Variants in CALCOCO1 observed in about 807,000 individuals in gnomAD.
CALCOCO1 encodes calcium-binding and coiled-coil domain-containing protein 1.
Under a neutral mutation model 86.3 loss-of-function variants are expected in CALCOCO1, and 44 were observed. The observed-to-expected ratio is 0.51, with a 90% CI of 0.40 to 0.66. The LOEUF (loss-of-function observed/expected upper bound fraction) is 0.66, where lower values mean the gene tolerates loss of function less well. Among genes scored for constraint, CALCOCO1 ranks in the 30% least tolerant of loss-of-function variants. The probability of loss-of-function intolerance (pLI) is 0.00; values close to 1 mark genes in which losing one functional copy is unlikely to be tolerated. For missense variants in CALCOCO1, 708 were observed against 851.1 expected, an observed-to-expected ratio of 0.83 and a Z score of 2.09; for synonymous variants, 297 against 327.6, an observed-to-expected ratio of 0.91 and a Z score of 1.01.
intron 1 of CALCOCO1, chr12:53,725,579 C>A (rs115825684): frequency 1.7e-5 from 3 of 172,812 alleles, no homozygotes; most frequent in Non-Finnish European, 3.7e-5. Flanking sequence ...TGGGATACTG[C>A]GACTTGGTCG....
chr12:53,724,492 C>T, intron 3 of CALCOCO1, 153 bp downstream of exon 3: 1 of 656,392 alleles, frequency 1.5e-6, no homozygotes. Context: ...TCTCTATCCG[C>T]TGAGCGCTGT....
chr12:53,713,229 TG>T, intron 13 of CALCOCO1, 23 bp from the exon 14 acceptor site: 1 of 1,601,772 alleles, frequency 6.2e-7, no homozygotes, highest in Non-Finnish European at 8.6e-7. Context: ...GAGACAGGGT[TG>T]GGCTTTGGGG....
At chr12:53,714,106 G>T in intron 12 of CALCOCO1, 27 bp downstream of exon 12, 1 of 1,538,682 alleles carries the variant, frequency 6.5e-7, no homozygotes, top group Non-Finnish European at 9.0e-7. Context: ...TGGGGAAGAG[G>T]TGTTACAAGA....
rs186570611 is a variant in CALCOCO1, at chr12:53,715,335, A to G, written c.1261-10T>C. The G allele has an allele frequency of 1.6e-4, 260 of 1,614,156 alleles. 1 individual carries two copies. In the Middle Eastern group the frequency reaches 5.3e-3, roughly 33 times the overall value. On this transcript the variant is annotated splice_polypyrimidine_tract_variant and intron_variant, in intron 9 of 14. Coordinates refer to ENST00000550804, the MANE Select transcript of CALCOCO1 (RefSeq NM_020898.3). ...TCTTGTCCTTCTCTGCCTGAGAGAT[A>G]GCCAAGAAGGAAAATGGGAGGGTGG...
At chr12:53,713,650 T>C in intron 13 of CALCOCO1, 51 bp downstream of exon 13, 1 of 1,453,356 alleles carries the variant, frequency 6.9e-7, no homozygotes, top group Non-Finnish European at 9.2e-7. Flanking sequence ...GACACTTGGG[T>C]TTGGCCCTGC....
At position 53,708,980 on chromosome 12, in the gene CALCOCO1, C is replaced by T. The variant is rs1213753132; in HGVS notation, c.*2964G>A. ...GATGGTGAAGACCCTGACTGGCACA[C>T]TAAGCAATCTACATTTCTCATTCCT... On this transcript the variant is annotated 3_prime_UTR_variant, in exon 15 of 15. Coordinates refer to ENST00000550804, the MANE Select transcript of CALCOCO1 (RefSeq NM_020898.3). 6.6e-6 allele frequency: 1 copy of T among 152,238 alleles called. No homozygotes were observed. Among genetic ancestry groups the T allele is most frequent in the Non-Finnish European group, 1.5e-5 (1 of 68,038 alleles). 9.4% of individuals were successfully genotyped at this position (152,238 alleles called of 1,614,324 possible).
Position 53,725,228 on chromosome 12 carries a change from T to C in CALCOCO1, c.15A>G (p.Pro5=), listed in dbSNP as rs760453700. 12 of 1,600,580 alleles carry C rather than the reference T, an allele frequency of 7.5e-6. No homozygotes were observed. The highest frequency in any genetic ancestry group is 9.4e-6 in the Non-Finnish European group (11 of 1,173,966). MEES[P]LSRAPSRGGV... is the part of the protein sequence containing the mutation. ...CACCACGGGATGGTGCCCGGCTTAG[T>C]GGTGATTCTTCCATCCTGGCCTTGA... Residue 5 remains proline, a synonymous_variant, in exon 2 of 15, where the codon CCA becomes CCG. Coordinates refer to ENST00000550804, the MANE Select transcript of CALCOCO1 (RefSeq NM_020898.3).
intron 10 of CALCOCO1, 56 bp downstream of exon 10, chr12:53,715,144 G>A: frequency 6.3e-7 from 1 of 1,594,396 alleles, no homozygotes; most frequent in South Asian, 1.1e-5. Context: ...AGAGAGAAGG[G>A]GTATGGATGC....
At chr12:53,719,639 G>A (rs1172838150) in intron 7 of CALCOCO1, 100 bp downstream of exon 7, 2 of 790,276 alleles carry the variant, frequency 2.5e-6, no homozygotes, top group East Asian at 5.0e-5. Context: ...TGCACACAAT[G>A]TCTTCTTTAC....
intron 8 of CALCOCO1, 67 bp downstream of exon 8, chr12:53,716,192 AC>A: frequency 6.3e-7 from 1 of 1,597,288 alleles, no homozygotes; most frequent in Non-Finnish European, 8.5e-7. Context: ...TTCTCTTTAG[AC>A]ACGCAGGCTT....
chr12:53,716,874 C>T (rs1390159101), intron 7 of CALCOCO1, among the ~76,000 whole-genome samples: 2 of 152,146 alleles, frequency 1.3e-5, no homozygotes, highest in African/African-American at 4.8e-5. Flanking sequence ...CCTAGCGGCC[C>T]ACAGAAAAAC....
In CALCOCO1 at chr12:53,714,698, G is replaced by A. The variant is rs548640380; in HGVS notation, c.1387-5C>T. 4 of 1,608,564 alleles carry A rather than the reference G, an allele frequency of 2.5e-6. No individual in the cohort carries two copies. The East Asian group carries it at 8.9e-5, about 36-fold the overall frequency. ...CTTACTTTCTGACAACTGTACCTGA[G>A]GGAAGAGGGCCCAATGGAATCTGGA... is the stretch of plus-strand genomic sequence containing the variant. On this transcript the variant is annotated splice_region_variant and splice_polypyrimidine_tract_variant and intron_variant, in intron 10 of 14. Transcript: ENST00000550804.
chr12:53,720,088 C>T (rs1336715225), intron 6 of CALCOCO1, among the ~76,000 whole-genome samples: 1 of 152,160 alleles, frequency 6.6e-6, no homozygotes, highest in African/African-American at 2.4e-5. Context: ...GCTGATGGCT[C>T]CCATTGTTTT....
intron 2 of CALCOCO1, 24 bp downstream of exon 2, chr12:53,725,063 A>C: frequency 6.4e-7 from 1 of 1,559,200 alleles, no homozygotes; most frequent in Non-Finnish European, 8.7e-7. Context: ...CATAAACCTA[A>C]GCCAAAAGGG....
chr12:53,721,222 G>A (rs1413134394), intron 6 of CALCOCO1, among the ~76,000 whole-genome samples: 1 of 152,190 alleles, frequency 6.6e-6, no homozygotes, highest in African/African-American at 2.4e-5. Context: ...CTCTTGCTCA[G>A]CTTTTGCTGT....
At chr12:53,724,254 G>T (rs1007935538) in intron 3 of CALCOCO1, 5 of 390,588 alleles carry the variant, frequency 1.3e-5, no homozygotes, top group Non-Finnish European at 2.0e-5. Flanking sequence ...CCCTTTTACT[G>T]TTAAGATAAC....
chr12:53,719,694 A>C (rs775301636), intron 7 of CALCOCO1, 45 bp downstream of exon 7: 1 of 1,392,250 alleles, frequency 7.2e-7, no homozygotes, highest in Non-Finnish European at 1.0e-6. Flanking sequence ...GGAATCAAAC[A>C]CTGGCTGGAC....
Position 53,715,281 on chromosome 12 carries a change from T to G in CALCOCO1, c.1305A>C (p.Arg435=), listed in dbSNP as rs1316894598. The part of the protein sequence containing the change: ...KILKLSAEIL[R]LEKAVQEERT... ...TCTCCTCCTGAACTGCCTTCTCCAA[T>G]CGAAGTATCTCTGCACTCAGCTTCA... Residue 435 remains arginine, a synonymous_variant, in exon 10 of 15, where the codon CGA becomes CGC. Transcript: ENST00000550804. 4.3e-6 allele frequency: 7 copies of G among 1,614,130 alleles called. No homozygotes were observed. The highest frequency in any genetic ancestry group is 1.7e-5 in the Admixed American group (1 of 60,012).
rs1483626783 is a variant in CALCOCO1 at position 53,711,238 on chromosome 12, C to T, written c.*706G>A. The T allele has an allele frequency of 1.0e-5, 4 of 398,822 alleles. No individual in the cohort carries two copies. Among genetic ancestry groups the T allele is most frequent in the African/African-American group, 8.2e-5 (4 of 48,564 alleles). The allele number at this position is 398,822 out of a possible 1,614,324, so 24.7% of individuals were successfully genotyped here. Reference sequence around the variant, plus strand: ...CCTTGGAAATGGGGATACCTGGGACCACTTGTTCCCCCCATTCCTCACAGA... The same window carrying T: ...CCTTGGAAATGGGGATACCTGGGACTACTTGTTCCCCCCATTCCTCACAGA... On this transcript the variant is annotated 3_prime_UTR_variant, in exon 15 of 15. Coordinates refer to ENST00000550804, the MANE Select transcript of CALCOCO1 (RefSeq NM_020898.3).
Sources: gnomAD v4.1 joint callset for allele counts (sites outside exome capture counted in the v4.1 genomes callset) on GRCh38, gnomAD v4.1.1 for gene constraint, MANE v1.5 for transcripts, NCBI Gene and HGNC (gene_info 2026-07-23, HGNC 2026-07-21) for gene names.